The following SOBP variants were observed in gnomAD, a reference collection of about 807,000 sequenced individuals.
The protein encoded by SOBP is sine oculis-binding protein homolog.
A neutral mutation model predicts 53.6 loss-of-function variants in SOBP; 4 were observed. The observed-to-expected ratio is 0.07, with a 90% CI of 0.04 to 0.17. The LOEUF is 0.17. Ranked by LOEUF, SOBP falls within the 10% of genes least tolerant of loss-of-function variation. The probability of loss-of-function intolerance (pLI) is 1.00; values close to 1 mark genes in which losing one functional copy is unlikely to be tolerated. For missense variants in SOBP, 1,088 were observed against 1,204.7 expected, an observed-to-expected ratio of 0.90 and a Z score of 1.43; for synonymous variants, 584 against 522.6, an observed-to-expected ratio of 1.12 and a Z score of -1.60.
intron 3 of SOBP, among the ~76,000 whole-genome samples, chr6:107,520,832 T>C (rs1178928241): frequency 6.6e-6 from 1 of 152,162 alleles, no homozygotes; most frequent in South Asian, 2.1e-4. Flanking sequence ...TCACTAGTGT[T>C]TCCCTCTAAG....
At chr6:107,529,497 C>A in intron 3 of SOBP, 1 of 985,396 alleles carries the variant, frequency 1.0e-6, no homozygotes, top group Non-Finnish European at 1.2e-6. Context: ...CAAATACTTT[C>A]GGAATTTCCC....
chr6:107,523,591 A>G (rs1349042799), intron 3 of SOBP, among the ~76,000 whole-genome samples: 2 of 152,200 alleles, frequency 1.3e-5, no homozygotes, highest in Non-Finnish European at 2.9e-5. Flanking sequence ...TTTGACACCC[A>G]GTCTCTAGCC....
intron 4 of SOBP, 67 bp from the exon 5 acceptor site, chr6:107,587,013 A>C: frequency 1.7e-6 from 2 of 1,204,602 alleles, no homozygotes; most frequent in Non-Finnish European, 2.5e-6. Context: ...CTGAGCTGTT[A>C]TGCTTTTTAG....
Position 107,634,128 on chromosome 6 carries a change from C to T in SOBP, c.1284C>T (p.Asn428=), listed in dbSNP as rs1435545412. The change falls in exon 6 of 7, where the codon AAC becomes AAT. Residue 428 remains asparagine, a synonymous_variant. Transcript: ENST00000317357. The surrounding 1 kb of genome is among the most constrained non-coding windows in gnomAD (Gnocchi z 4.5). ...CCAACCCCAACAGCCCCCTGTCCAA[C>T]CCCATGCTTCCCGGCATCGGGCCCC... is the stretch of plus-strand genomic sequence containing the variant. The part of the protein sequence containing the change: ...HASNPNSPLS[N]PMLPGIGPPP... The T allele has an allele frequency of 1.2e-6, 2 of 1,609,962 alleles. No homozygotes were observed. Among genetic ancestry groups the T allele is most frequent in the African/African-American group, 1.3e-5 (1 of 74,892 alleles).
At chr6:107,557,938 G>C (rs1784662549) in intron 4 of SOBP, 1 of 152,084 alleles carries the variant, frequency 6.6e-6, no homozygotes, top group East Asian at 1.9e-4. Flanking sequence ...CTGTTTTTCT[G>C]CCTGTATTCT....
intron 3 of SOBP, chr6:107,509,780 C>T (rs1054620785): frequency 4.6e-5 from 7 of 152,188 alleles, no homozygotes; most frequent in African/African-American, 1.7e-4. Context: ...GATGTAGGAA[C>T]TCTGAGGAAT....
intron 5 of SOBP, among the ~76,000 whole-genome samples, chr6:107,612,081 G>A (rs1037367223): frequency 1.3e-5 from 2 of 152,174 alleles, no homozygotes; most frequent in Admixed American, 1.3e-4. Flanking sequence ...TTTGCCGTTA[G>A]CATAGTGAGA....
intron 4 of SOBP, among the ~76,000 whole-genome samples, chr6:107,537,494 C>T (rs1784032799): frequency 6.6e-6 from 1 of 152,160 alleles, no homozygotes; most frequent in Non-Finnish European, 1.5e-5. Flanking sequence ...TTCCTAAGAG[C>T]ACCAAAGTTT....
rs1301568661 is a variant in SOBP, at chr6:107,658,720, T to C, written c.*517T>C. The C allele has an allele frequency of 6.6e-6, 1 of 152,634 alleles. No individual in the cohort carries two copies. The highest frequency in any genetic ancestry group is 1.5e-5 in the Non-Finnish European group (1 of 68,042). 9.5% of individuals were successfully genotyped at this position (152,634 alleles called of 1,614,324 possible). On this transcript the variant is annotated 3_prime_UTR_variant, in exon 7 of 7. Transcript: ENST00000317357. ...ACGTTTTGATGGCGGAGAGGGGTGG[T>C]CCTGGAGGCCCAATGCTTCAGAGTC...
At position 107,635,140 on chromosome 6, in the gene SOBP, A is replaced by T; in HGVS notation, c.2296A>T (p.Ser766Cys). The T allele has an allele frequency of 6.2e-7, 1 of 1,612,992 alleles. No individual in the cohort carries two copies. Among genetic ancestry groups the T allele is most frequent in the Non-Finnish European group, 8.5e-7 (1 of 1,179,738 alleles). The part of the protein sequence containing the change: ...KLLSPEEPAV[S>C]ELESVKENNC... ...GCTGTCGCCTGAGGAACCGGCGGTG[A>T]GCGAGCTAGAGTCGGTCAAGGAGAA... The change falls in exon 6 of 7, where the codon AGC (serine) becomes TGC (cysteine). Residue 766 changes from serine (S) to cysteine (C), a missense_variant. Ser to Cys is a moderately radical substitution (Grantham distance 112, BLOSUM62 -1). Coordinates refer to ENST00000317357, the MANE Select transcript of SOBP (RefSeq NM_018013.4). This position sits in a 1 kb window ranked among gnomAD's most constrained non-coding sequence, Gnocchi z 4.5.
At chr6:107,639,312 A>G (rs981780201) in intron 6 of SOBP, among the ~76,000 whole-genome samples, 10 of 152,184 alleles carry the variant, frequency 6.6e-5, no homozygotes, top group African/African-American at 2.2e-4. Flanking sequence ...CTTATTTGCT[A>G]GTTCTTTGTA....
At chr6:107,639,014 T>A (rs916307181) in intron 6 of SOBP, among the ~76,000 whole-genome samples, 3 of 152,206 alleles carry the variant, frequency 2.0e-5, no homozygotes, top group Non-Finnish European at 4.4e-5. Flanking sequence ...GCAATTCTCC[T>A]GCCTCAGCCT....
intron 1 of SOBP, among the ~76,000 whole-genome samples, chr6:107,491,815 T>C (rs1479273559): frequency 6.6e-6 from 1 of 152,248 alleles, no homozygotes; most frequent in Non-Finnish European, 1.5e-5. Context: ...GTTCAGTTTG[T>C]ATTTAAAAAA....
chr6:107,532,449 C>T (rs1326822810), intron 3 of SOBP, among the ~76,000 whole-genome samples: 1 of 152,008 alleles, frequency 6.6e-6, no homozygotes, highest in Non-Finnish European at 1.5e-5. Flanking sequence ...ATATCACCAT[C>T]ATAATGTTTG....
chr6:107,604,781 T>C (rs1786309967), intron 5 of SOBP, among the ~76,000 whole-genome samples: 1 of 152,118 alleles, frequency 6.6e-6, no homozygotes, highest in Admixed American at 6.5e-5. Context: ...ACCTGCAAAT[T>C]GTGTCAGCAC....
rs574414393 is a variant in SOBP at position 107,552,918 on chromosome 6, G to C, written c.573+19308G>C. Among the ~76,000 whole-genome samples, 4 of 152,154 alleles carry C rather than the reference G, an allele frequency of 2.6e-5. No homozygotes were observed. The East Asian group carries it at 7.7e-4, about 29-fold the overall frequency. ...AGCCTGGGAGACAGTGTGAGACCCT[G>C]TCTCCATGAATAAATAAATAAATAG... On this transcript the variant is annotated intron_variant, in intron 4 of 6. Transcript: ENST00000317357.
At chr6:107,595,933 A>C (rs1400100421) in intron 5 of SOBP, among the ~76,000 whole-genome samples, 1 of 152,210 alleles carries the variant, frequency 6.6e-6, no homozygotes, top group African/African-American at 2.4e-5. Context: ...AATGTATTTC[A>C]TTGCATTTTG....
intron 4 of SOBP, among the ~76,000 whole-genome samples, chr6:107,534,074 A>G (rs1457830955): frequency 1.3e-5 from 2 of 152,246 alleles, no homozygotes; most frequent in Non-Finnish European, 2.9e-5. Flanking sequence ...AGTTCTTGTC[A>G]AGAAAAATGT....
intron 1 of SOBP, among the ~76,000 whole-genome samples, chr6:107,496,656 A>G (rs1161562003): frequency 6.6e-6 from 1 of 152,194 alleles, no homozygotes; most frequent in Non-Finnish European, 1.5e-5. Flanking sequence ...CAGGCTCGAA[A>G]GCTGTAGTTC....
Sources: gnomAD v4.1 joint callset for allele counts (sites outside exome capture counted in the v4.1 genomes callset) on GRCh38, gnomAD v4.1.1 for gene constraint, Gnocchi (gnomAD v3.1) non-coding constraint, MANE v1.5 for transcripts, NCBI Gene and HGNC (gene_info 2026-07-23, HGNC 2026-07-21) for gene names.